The following HLTF variants were observed in gnomAD, a reference collection of about 807,000 sequenced individuals.
The protein encoded by HLTF is DNA-dependent ATPase/E3 ubiquitin-protein ligase HLTF.
In HLTF, 127 loss-of-function variants were observed where a neutral mutation model predicts 129.4. The observed-to-expected ratio is 0.98, with a 90% confidence interval of 0.85 to 1.14. HLTF has a LOEUF of 1.14. HLTF is among the 50% of genes most tolerant of loss of function. The pLI, the probability that HLTF is intolerant of heterozygous loss-of-function variation, is 0.00. For synonymous variants in HLTF, 332 were observed against 388.8 expected (o/e 0.85, Z 1.72); for missense variants, 1,139 against 1,187.1 (o/e 0.96, Z 0.60).
chr3:149,086,374 C>T lies in HLTF; in HGVS notation c.-38G>A. 2 of 1,568,838 alleles carry T rather than the reference C, an allele frequency of 1.3e-6. No homozygotes were observed. Among genetic ancestry groups the T allele is most frequent in the Non-Finnish European group, 1.7e-6 (2 of 1,156,562 alleles). ...GATGACAAGAGGAGCGCCTCGGCTCCCCTGGATCGTTTTCGAGCCGCCTCG... is the reference window on the plus strand; with the variant it reads ...GATGACAAGAGGAGCGCCTCGGCTCTCCTGGATCGTTTTCGAGCCGCCTCG... On this transcript the variant is annotated 5_prime_UTR_variant, in exon 1 of 25. Coordinates refer to ENST00000310053, the MANE Select transcript of HLTF (RefSeq NM_003071.4).
chr3:149,052,503 T>A (rs545402856), intron 14 of HLTF, among the ~76,000 whole-genome samples: 1 of 152,188 alleles, frequency 6.6e-6, no homozygotes, highest in African/African-American at 2.4e-5. Context: ...AAATAAGACA[T>A]AACAAATAAT....
chr3:149,048,940 T>A lies in HLTF; in HGVS notation c.1679A>T (p.His560Leu), dbSNP rs75188919. 1 of 1,611,060 alleles carries A rather than the reference T, an allele frequency of 6.2e-7. No individual in the cohort carries two copies. Among genetic ancestry groups the A allele is most frequent in the East Asian group, 2.2e-5 (1 of 44,822 alleles). The change falls in exon 16 of 25, where the codon CAT becomes CTT. Residue 560 changes from histidine to leucine, a missense_variant. Coordinates refer to ENST00000310053, the MANE Select transcript of HLTF (RefSeq NM_003071.4). ...RWLRVILDEG[H>L]AIRNPNAQQT... ...CTGAGCATTTGGATTTCGTATGGCATGTCCTTCATCCAGGATCACTCTTAG... is the reference window on the plus strand; with the variant it reads ...CTGAGCATTTGGATTTCGTATGGCAAGTCCTTCATCCAGGATCACTCTTAG...
intron 18 of HLTF, 83 bp from the exon 19 acceptor site, chr3:149,042,373 T>C: frequency 8.5e-7 from 1 of 1,174,278 alleles, no homozygotes; most frequent in Non-Finnish European, 1.2e-6. Flanking sequence ...AAAATGGCAT[T>C]TTTCTTTTCT....
chr3:149,078,421 A>T lies in HLTF; in HGVS notation c.229-2374T>A, dbSNP rs1719571816. ...AAAAATTAGCCAGGTATGGTGGTAC[A>T]TGCCTGTAGTCCCAGCTATTCAGGA... On this transcript the variant is annotated intron_variant, in intron 2 of 24. Transcript: ENST00000310053. Among the ~76,000 whole-genome samples the T allele has an allele frequency of 3.3e-5, 5 of 152,278 alleles. No individual in the cohort carries two copies. The South Asian group carries it at 8.3e-4, about 25-fold the overall frequency.
intron 24 of HLTF, among the ~76,000 whole-genome samples, chr3:149,033,827 A>G (rs958269371): frequency 1.3e-5 from 2 of 152,156 alleles, no homozygotes; most frequent in Non-Finnish European, 2.9e-5. Flanking sequence ...CTTCTGTCCT[A>G]GGTAAGACCT....
intron 22 of HLTF, 99 bp downstream of exon 22, chr3:149,039,482 A>T: frequency 1.5e-6 from 1 of 660,418 alleles, no homozygotes; most frequent in Non-Finnish European, 2.5e-6. Flanking sequence ...TAAAATGACT[A>T]AAACTGGCAA....
At chr3:149,033,804 G>A (rs1715340576) in intron 24 of HLTF, among the ~76,000 whole-genome samples, 4 of 152,042 alleles carry the variant, frequency 2.6e-5, no homozygotes, top group Admixed American at 2.0e-4. Flanking sequence ...TTGAAAAAAT[G>A]TGAAAATAAA....
chr3:149,084,406 T>C (rs898540819), intron 2 of HLTF, among the ~76,000 whole-genome samples: 1 of 128,910 alleles, frequency 7.8e-6, no homozygotes, highest in Non-Finnish European at 1.6e-5. Context: ...ATCGATGACA[T>C]GAACAAGGCG....
At chr3:149,052,148 TA>T (rs1178338781) in intron 14 of HLTF, 747 of 63,048 alleles carry the variant, frequency 0.012, no homozygotes, top group Middle Eastern at 0.031. Context: ...AGCAAGACTG[TA>T]AAAAAAAAAA....
At chr3:149,047,555 T>C (rs1716648497) in intron 17 of HLTF, among the ~76,000 whole-genome samples, 1 of 152,124 alleles carries the variant, frequency 6.6e-6, no homozygotes, top group Non-Finnish European at 1.5e-5. Context: ...GACAGGAGAA[T>C]CGCTTGAACC....
At position 149,086,416 on chromosome 3, in the gene HLTF, G is replaced by A. The variant is rs956023979; in HGVS notation, c.-80C>T. On this transcript the variant is annotated 5_prime_UTR_variant, in exon 1 of 25. Coordinates refer to ENST00000310053, the MANE Select transcript of HLTF (RefSeq NM_003071.4). ...GCCGCCTCGATACGCCTCCTTCCAG[G>A]CCCCGCAGCCCTGAAGCCGGGGACA... The A allele has an allele frequency of 3.8e-5, 56 of 1,484,962 alleles. No homozygotes were observed. In the South Asian group the frequency reaches 6.3e-4, roughly 17 times the overall value. 92.0% of individuals were successfully genotyped at this position (1,484,962 alleles called of 1,614,324 possible).
intron 8 of HLTF, among the ~76,000 whole-genome samples, chr3:149,067,693 A>AAAT (rs952310535): frequency 1.3e-5 from 2 of 152,106 alleles, no homozygotes; most frequent in South Asian, 2.1e-4. Flanking sequence ...AGGGAAAAAA[A>AAAT]AATAATAATA....
At chr3:149,056,756 A>G (rs945328330) in intron 13 of HLTF, among the ~76,000 whole-genome samples, 2 of 152,256 alleles carry the variant, frequency 1.3e-5, no homozygotes, top group Admixed American at 6.5e-5. Flanking sequence ...CCCTTAAACA[A>G]TATGTTTGAA....
chr3:149,058,310 G>A (rs529448507), intron 13 of HLTF, among the ~76,000 whole-genome samples: 13 of 151,930 alleles, frequency 8.6e-5, no homozygotes, highest in African/African-American at 2.2e-4. Flanking sequence ...CATGGGCCTC[G>A]GCCTCCCAAA....
At chr3:149,049,544 C>T (rs1174270594) in intron 15 of HLTF, among the ~76,000 whole-genome samples, 1 of 151,886 alleles carries the variant, frequency 6.6e-6, no homozygotes, top group Non-Finnish European at 1.5e-5. Flanking sequence ...ACTGTAACTA[C>T]AAAAAAAGCA....
intron 14 of HLTF, among the ~76,000 whole-genome samples, chr3:149,054,947 T>C (rs192061066): frequency 1.3e-5 from 2 of 152,360 alleles, no homozygotes; most frequent in African/African-American, 2.4e-5. Flanking sequence ...AAATAAGTTA[T>C]TGTTGGTATA....
chr3:149,074,370 G>A (rs1719151272), intron 3 of HLTF, 22 bp from the exon 4 acceptor site: 1 of 1,579,686 alleles, frequency 6.3e-7, no homozygotes, highest in Non-Finnish European at 8.6e-7. Flanking sequence ...GGGAGAAAAA[G>A]AAAGGGAAAT....
intron 18 of HLTF, among the ~76,000 whole-genome samples, chr3:149,043,112 TAAAGC>T (rs1026550027): frequency 1.3e-5 from 2 of 150,944 alleles, no homozygotes; most frequent in African/African-American, 4.9e-5. Flanking sequence ...AAAAAAATCT[TAAAGC>T]AAAGACAAAG....
chr3:149,076,874 T>C (rs1482113908), intron 2 of HLTF, among the ~76,000 whole-genome samples: 1 of 152,076 alleles, frequency 6.6e-6, no homozygotes, highest in Non-Finnish European at 1.5e-5. Context: ...CTTGCAGAAA[T>C]CTGGGTAACA....
Sources: allele counts gnomAD v4.1 joint callset (sites outside exome capture counted in the v4.1 genomes callset), GRCh38; gene constraint gnomAD v4.1.1; transcripts MANE v1.5; gene names NCBI Gene and HGNC (gene_info 2026-07-23, HGNC 2026-07-21).